Variants in RAD51B observed in about 807,000 individuals in gnomAD.
RAD51B encodes RAD51 paralog B.
RAD51B carries 38 observed loss-of-function variants against 42.2 expected under a neutral mutation model. The observed-to-expected ratio is 0.90, with a 90% CI of 0.70 to 1.18. The LOEUF (loss-of-function observed/expected upper bound fraction) is 1.18. RAD51B is among the 50% of genes most tolerant of loss of function. RAD51B has a pLI of 0.00. For synonymous variants in RAD51B, 154 were observed against 145.2 expected (o/e 1.06, Z -0.43); for missense variants, 373 against 400.7 (o/e 0.93, Z 0.59).
intron 10 of RAD51B, among the ~76,000 whole-genome samples, chr14:68,631,796 A>G (rs1418552882): frequency 6.6e-6 from 1 of 152,128 alleles, no homozygotes; most frequent in African/African-American, 2.4e-5. Flanking sequence ...GACGCCGCTC[A>G]GGCTCCTGCC....
intron 10 of RAD51B, chr14:68,540,638 G>A (rs1887914641): frequency 1.0e-6 from 1 of 985,364 alleles, no homozygotes; most frequent in African/African-American, 1.7e-5. Context: ...GTCACCTGGG[G>A]AGACCTGAAA....
At position 67,932,494 on chromosome 14, in the gene RAD51B, C is replaced by T. The variant is rs545050622; in HGVS notation, c.756+45290C>T. Among the ~76,000 whole-genome samples the T allele has an allele frequency of 2.6e-5, 4 of 152,182 alleles. No homozygotes were observed. The South Asian group carries it at 8.3e-4, about 32-fold the overall frequency. ...TAGGCCCCAGCACAGTGTGCAGTGG[C>T]ACTAGTTTTAGTGGGACCAAGAGGT... On this transcript the variant is annotated intron_variant, in intron 7 of 10. Transcript: ENST00000471583.
At chr14:68,637,785 C>A (rs1003128577) in intron 10 of RAD51B, among the ~76,000 whole-genome samples, 8 of 152,156 alleles carry the variant, frequency 5.3e-5, no homozygotes, top group Non-Finnish European at 1.0e-4. Flanking sequence ...GTCGGTCAGG[C>A]GTTCATGAGG....
intron 10 of RAD51B, among the ~76,000 whole-genome samples, chr14:68,575,270 GT>G (rs1461154901): frequency 6.6e-6 from 1 of 152,190 alleles, no homozygotes; most frequent in Non-Finnish European, 1.5e-5. Context: ...TCTCTGAGGG[GT>G]TAGGTGACTT....
At chr14:67,868,186 A>T (rs1461037957) in intron 5 of RAD51B, among the ~76,000 whole-genome samples, 2 of 152,170 alleles carry the variant, frequency 1.3e-5, no homozygotes, top group Non-Finnish European at 2.9e-5. Flanking sequence ...GGTTCATCTC[A>T]CTAGGGAGTG....
At chr14:68,641,203 C>T (rs968326767) in intron 10 of RAD51B, among the ~76,000 whole-genome samples, 6 of 152,198 alleles carry the variant, frequency 3.9e-5, no homozygotes, top group Non-Finnish European at 7.3e-5. Flanking sequence ...CCGTGTGTTG[C>T]ATGTGTACCA....
intron 7 of RAD51B, among the ~76,000 whole-genome samples, chr14:67,944,982 A>G (rs2045340891): frequency 6.6e-6 from 1 of 152,224 alleles, no homozygotes; most frequent in Non-Finnish European, 1.5e-5. Flanking sequence ...AAAGAAAGTA[A>G]GAATCATACC....
chr14:68,652,426 C>T (rs1892721424), intron 11 of RAD51B, among the ~76,000 whole-genome samples: 1 of 152,218 alleles, frequency 6.6e-6, no homozygotes, highest in Non-Finnish European at 1.5e-5. Flanking sequence ...GAAGCCTGGA[C>T]GGCCCCCTCC....
intron 8 of RAD51B, among the ~76,000 whole-genome samples, chr14:68,329,887 C>T (rs145415179): frequency 0.052 from 7,739 of 149,708 alleles, 594 homozygotes; most frequent in African/African-American, 0.17. Flanking sequence ...GAGGCTGAGG[C>T]AGGAGAAAGG....
intron 7 of RAD51B, among the ~76,000 whole-genome samples, chr14:68,196,315 T>G (rs886579886): frequency 6.6e-6 from 1 of 152,266 alleles, no homozygotes; most frequent in Non-Finnish European, 1.5e-5. Flanking sequence ...ACAGGTTGTT[T>G]AAAGCCAGGG....
intron 7 of RAD51B, 72 bp downstream of exon 7, chr14:67,887,276 T>C: frequency 2.4e-6 from 3 of 1,262,078 alleles, no homozygotes; most frequent in African/African-American, 1.5e-5. Context: ...CACTGACTTA[T>C]GGTATCAAAT....
At chr14:67,956,002 T>C (rs569462154) in intron 7 of RAD51B, among the ~76,000 whole-genome samples, 4 of 152,222 alleles carry the variant, frequency 2.6e-5, no homozygotes, top group Non-Finnish European at 5.9e-5. Context: ...GTAAGGACTT[T>C]AGGTAGCTTT....
intron 9 of RAD51B, among the ~76,000 whole-genome samples, chr14:68,466,007 C>A (rs1054619636): frequency 1.3e-5 from 2 of 151,154 alleles, no homozygotes; most frequent in East Asian, 3.9e-4. Flanking sequence ...CACATTGAAC[C>A]ATCTCCGAAC....
At chr14:68,096,132 T>C (rs1372280721) in intron 7 of RAD51B, among the ~76,000 whole-genome samples, 1 of 152,196 alleles carries the variant, frequency 6.6e-6, no homozygotes, top group Non-Finnish European at 1.5e-5. Flanking sequence ...TCATGGATAT[T>C]CTACAAAATC....
intron 10 of RAD51B, among the ~76,000 whole-genome samples, chr14:68,470,371 C>A (rs1452669269): frequency 1.3e-5 from 2 of 152,178 alleles, no homozygotes; most frequent in African/African-American, 4.8e-5. Context: ...GCACACTCTG[C>A]CTTCTTGCTG....
chr14:68,664,876 G>A (rs11629144), intron 11 of RAD51B, among the ~76,000 whole-genome samples: 1 of 151,968 alleles, frequency 6.6e-6, no homozygotes, highest in African/African-American at 2.4e-5. Context: ...TGACAAAAAT[G>A]CCCTGGATTC....
chr14:68,115,541 A>T (rs868150645), intron 7 of RAD51B, among the ~76,000 whole-genome samples: 234 of 134,862 alleles, frequency 1.7e-3, no homozygotes, highest in African/African-American at 7.3e-3. Flanking sequence ...AACTTAAAGT[A>T]TAAAAAAAAA....
intron 7 of RAD51B, among the ~76,000 whole-genome samples, chr14:68,268,356 T>A (rs1242220399): frequency 6.6e-6 from 1 of 152,242 alleles, no homozygotes; most frequent in African/African-American, 2.4e-5. Flanking sequence ...CACCAGCACG[T>A]CACTCTCACT....
At chr14:68,575,934 C>T (rs547046494) in intron 10 of RAD51B, among the ~76,000 whole-genome samples, 10 of 152,260 alleles carry the variant, frequency 6.6e-5, no homozygotes, top group South Asian at 2.1e-4. Flanking sequence ...TATAGATGGA[C>T]GGGCAGGGTT....
Sources: gnomAD v4.1 joint callset for allele counts (sites outside exome capture counted in the v4.1 genomes callset) on GRCh38, gnomAD v4.1.1 for gene constraint, MANE v1.5 for transcripts, NCBI Gene and HGNC (gene_info 2026-07-23, HGNC 2026-07-21) for gene names.